Variants in FAT3 observed in about 807,000 individuals in gnomAD.
The protein encoded by FAT3 is protocadherin Fat 3.
Under a neutral mutation model 310.2 loss-of-function variants are expected in FAT3, and 95 were observed. The observed-to-expected ratio is 0.31, with a 90% CI of 0.26 to 0.36. FAT3 has a LOEUF of 0.36. FAT3 is among the 10% of genes least tolerant of loss of function. FAT3 has a pLI of 1.00. For missense variants in FAT3, 5,408 were observed against 5,715.6 expected, an observed-to-expected ratio of 0.95 and a Z score of 1.74; for synonymous variants, 2,314 against 2,192.9, an observed-to-expected ratio of 1.06 and a Z score of -1.54.
intron 22 of FAT3, among the ~76,000 whole-genome samples, chr11:92,878,609 A>C (rs1949590851): frequency 6.9e-6 from 1 of 144,154 alleles, no homozygotes; most frequent in Non-Finnish European, 1.5e-5. Flanking sequence ...CTATAACCAC[A>C]ACACAGGAGC....
chr11:92,315,510 T>C (rs66949139), intron 1 of FAT3, among the ~76,000 whole-genome samples: 4 of 78,146 alleles, frequency 5.1e-5, no homozygotes, highest in South Asian at 1.0e-3. Context: ...TATATATATA[T>C]ATAGAGAGAG....
intron 3 of FAT3, among the ~76,000 whole-genome samples, chr11:92,659,076 C>G (rs1942681575): frequency 6.6e-6 from 1 of 152,058 alleles, no homozygotes; most frequent in African/African-American, 2.4e-5. Context: ...ACATGTCAAG[C>G]TGTGTAGGTT....
intron 1 of FAT3, among the ~76,000 whole-genome samples, chr11:92,296,727 CT>C (rs1946859235): frequency 6.6e-6 from 1 of 152,080 alleles, no homozygotes; most frequent in Non-Finnish European, 1.5e-5. Flanking sequence ...GTTAGCCTGC[CT>C]TTTCTATCTC....
At chr11:92,785,374 C>G (rs2136144379) in intron 7 of FAT3, among the ~76,000 whole-genome samples, 1 of 152,068 alleles carries the variant, frequency 6.6e-6, no homozygotes, top group Admixed American at 6.6e-5. Flanking sequence ...TACTGTCATG[C>G]TGTAATAGCC....
chr11:92,716,824 A>C (rs897098941), intron 4 of FAT3, among the ~76,000 whole-genome samples: 2 of 152,192 alleles, frequency 1.3e-5, no homozygotes, highest in Non-Finnish European at 2.9e-5. Context: ...TTATGATTGT[A>C]GTAGAGATTT....
intron 2 of FAT3, among the ~76,000 whole-genome samples, chr11:92,437,396 T>G (rs1382367588): frequency 2.0e-5 from 3 of 152,216 alleles, no homozygotes; most frequent in African/African-American, 7.2e-5. Context: ...CATCTCTCCT[T>G]ATTCGCTGCA....
intron 3 of FAT3, among the ~76,000 whole-genome samples, chr11:92,601,592 G>A (rs979992657): frequency 1.3e-5 from 2 of 152,046 alleles, no homozygotes; most frequent in Admixed American, 6.6e-5. Flanking sequence ...GTAAGACTGT[G>A]TCTCAAAAAC....
rs183712372 is a variant in FAT3, at chr11:92,671,744, C to T, written c.3608-25640C>T. Among the ~76,000 whole-genome samples, 515 of 152,202 alleles carry T rather than the reference C, an allele frequency of 3.4e-3. 4 individuals carry two copies. The highest frequency in any genetic ancestry group is 6.1e-3 in the Non-Finnish European group (413 of 68,018). On this transcript the variant is annotated intron_variant, in intron 3 of 27. Coordinates refer to ENST00000525166, the MANE Select transcript of FAT3 (RefSeq NM_001367949.2). The stretch of plus-strand genomic sequence containing the variant: ...GGATCTGTTTTGCTCTTCATTATAT[C>T]CCTTTACATTTGAGTAAGGTGCTTA...
chr11:92,550,579 C>T (rs1422864189), intron 3 of FAT3, among the ~76,000 whole-genome samples: 1 of 152,080 alleles, frequency 6.6e-6, no homozygotes, highest in Non-Finnish European at 1.5e-5. Context: ...TGAGTAGCCT[C>T]TCTGCAGAGT....
chr11:92,790,109 T>A lies in FAT3; in HGVS notation c.4502T>A (p.Ile1501Asn). ...CTGAGCTACACTGTTCATAGCAGCATCGACTCCATCAGCATGAGAAAATTC... is the reference window on the plus strand; with the variant it reads ...CTGAGCTACACTGTTCATAGCAGCAACGACTCCATCAGCATGAGAAAATTC... Reference protein sequence around the residue: ...HKLSYTVHSSIDSISMRKFRI... With the variant: ...HKLSYTVHSSNDSISMRKFRI... Residue 1501 changes from isoleucine to asparagine, a missense_variant, in exon 8 of 28, where the codon ATC becomes AAC. Coordinates refer to ENST00000525166, the MANE Select transcript of FAT3 (RefSeq NM_001367949.2). The A allele has an allele frequency of 6.2e-7, 1 of 1,613,806 alleles. No individual in the cohort carries two copies. The highest frequency in any genetic ancestry group is 8.5e-7 in the Non-Finnish European group (1 of 1,179,754).
chr11:92,496,660 T>A (rs1486001032), intron 2 of FAT3, among the ~76,000 whole-genome samples: 1 of 152,032 alleles, frequency 6.6e-6, no homozygotes, highest in Non-Finnish European at 1.5e-5. Context: ...ATTCTGTCTC[T>A]AGGGCAGTGG....
intron 2 of FAT3, among the ~76,000 whole-genome samples, chr11:92,500,010 T>A (rs1300952688): frequency 1.3e-5 from 2 of 152,024 alleles, no homozygotes; most frequent in East Asian, 1.9e-4. Flanking sequence ...AATATGCTAG[T>A]GATAGTAAGG....
rs1228643144 is a variant in FAT3, at chr11:92,891,005, C to T, written c.13662C>T (p.Gly4554=). ...TSSSDVSANC[G]FDDSEVAMSD... ...CCTCGGATGTGTCTGCCAACTGCGG[C>T]TTTGACGATTCCGAAGTAGCCATGA... The change falls in exon 28 of 28, where the codon GGC becomes GGT. Residue 4554 remains glycine, a synonymous_variant. Coordinates refer to ENST00000525166, the MANE Select transcript of FAT3 (RefSeq NM_001367949.2). 6.2e-7 allele frequency: 1 copy of T among 1,613,776 alleles called. No homozygotes were observed. The highest frequency in any genetic ancestry group is 8.5e-7 in the Non-Finnish European group (1 of 1,179,856).
chr11:92,251,741 A>G (rs2134279551), intron 1 of FAT3, among the ~76,000 whole-genome samples: 1 of 152,152 alleles, frequency 6.6e-6, no homozygotes, highest in African/African-American at 2.4e-5. Flanking sequence ...GCCTACTTCT[A>G]GCCAGGCTTT....
intron 2 of FAT3, among the ~76,000 whole-genome samples, chr11:92,445,173 C>A (rs141753017): frequency 6.6e-6 from 1 of 152,200 alleles, no homozygotes; most frequent in Non-Finnish European, 1.5e-5. Context: ...ATTTAAGAAA[C>A]TCAGTCTATG....
In FAT3 at chr11:92,793,025, G is replaced by A. The variant is rs372312425; in HGVS notation, c.4822+48G>A. 722 of 1,559,072 alleles carry A rather than the reference G, an allele frequency of 4.6e-4. 1 individual carries two copies. Among genetic ancestry groups the A allele is most frequent in the African/African-American group, 1.2e-3 (91 of 73,940 alleles). Reference sequence around the variant, plus strand: ...GATTTCAGCATAATGCAAGGCATTCGACCCTCAGTAGTATTTATCACCATG... The same window carrying A: ...GATTTCAGCATAATGCAAGGCATTCAACCCTCAGTAGTATTTATCACCATG... On this transcript the variant is annotated intron_variant, in intron 9 of 27. Coordinates refer to ENST00000525166, the MANE Select transcript of FAT3 (RefSeq NM_001367949.2).
chr11:92,716,131 G>A lies in FAT3; in HGVS notation c.3669+18686G>A, dbSNP rs532105628. 5.3e-5 allele frequency among the ~76,000 whole-genome samples: 8 copies of A among 152,238 alleles called. No homozygotes were observed. In the East Asian group the frequency reaches 1.4e-3, roughly 26 times the overall value. ...AAGAGGAGGCAGATCGAGGTGTGAG[G>A]GGATTGCTATCCAACTGCAGGTAGT... On this transcript the variant is annotated intron_variant, in intron 4 of 27. Coordinates refer to ENST00000525166, the MANE Select transcript of FAT3 (RefSeq NM_001367949.2).
intron 1 of FAT3, among the ~76,000 whole-genome samples, chr11:92,279,361 T>C (rs1026718354): frequency 5.3e-5 from 8 of 152,168 alleles, no homozygotes; most frequent in Admixed American, 2.0e-4. Flanking sequence ...TCACCAAATC[T>C]TGTAGATTCA....
chr11:92,597,820 C>T (rs1168128292), intron 3 of FAT3, among the ~76,000 whole-genome samples: 1 of 152,064 alleles, frequency 6.6e-6, no homozygotes, highest in Non-Finnish European at 1.5e-5. Context: ...TAGAAAAATG[C>T]ATCAGTAATC....
Sources: allele counts gnomAD v4.1 joint callset (sites outside exome capture counted in the v4.1 genomes callset), GRCh38; gene constraint gnomAD v4.1.1; transcripts MANE v1.5; gene names NCBI Gene and HGNC (gene_info 2026-07-23, HGNC 2026-07-21).